LRRC1: variants seen among roughly 807,000 people sequenced by gnomAD.
LRRC1 encodes the protein leucine rich repeat containing 1, also known as leucine-rich repeat-containing protein 1.
A neutral mutation model predicts 69.9 loss-of-function variants in LRRC1; 28 were observed. That is an observed-to-expected ratio of 0.40 (90% confidence interval 0.30 to 0.55). The LOEUF is 0.55. Among genes scored for constraint, LRRC1 ranks in the 20% least tolerant of loss-of-function variants. The probability of loss-of-function intolerance (pLI) is 0.47; values close to 1 mark genes in which losing one functional copy is unlikely to be tolerated. For missense variants in LRRC1, 498 were observed against 609.0 expected, an observed-to-expected ratio of 0.82 and a Z score of 1.92; for synonymous variants, 236 against 240.2, an observed-to-expected ratio of 0.98 and a Z score of 0.16.
chr6:53,803,584 G>A (rs1764553708), intron 1 of LRRC1, among the ~76,000 whole-genome samples: 1 of 146,484 alleles, frequency 6.8e-6, no homozygotes, highest in Non-Finnish European at 1.5e-5. Flanking sequence ...GAGTGTGTGT[G>A]TGTATGTGTG....
At chr6:53,821,187 C>G (rs1009514527) in intron 1 of LRRC1, among the ~76,000 whole-genome samples, 14 of 152,202 alleles carry the variant, frequency 9.2e-5, no homozygotes, top group African/African-American at 3.4e-4. Flanking sequence ...TGCTGTACAT[C>G]ATTTGAATGC....
chr6:53,895,842 G>A (rs183219644), intron 4 of LRRC1, among the ~76,000 whole-genome samples: 2 of 152,294 alleles, frequency 1.3e-5, no homozygotes, highest in African/African-American at 4.8e-5. Context: ...GTTTAATCCA[G>A]AATAAAAGCA....
At chr6:53,809,752 G>T (rs944370759) in intron 1 of LRRC1, among the ~76,000 whole-genome samples, 8 of 152,294 alleles carry the variant, frequency 5.3e-5, no homozygotes, top group Non-Finnish European at 1.0e-4. Flanking sequence ...CTTAGTGGAG[G>T]GTTCAGCCCT....
In LRRC1 at chr6:53,884,017, G is replaced by T. The variant is rs1179707915; in HGVS notation, c.446+1041G>T. 4 of 717,516 alleles carry T rather than the reference G, an allele frequency of 5.6e-6. No homozygotes were observed. The African/African-American group carries it at 7.0e-5, about 13-fold the overall frequency. 44.4% of individuals were successfully genotyped at this position (717,516 alleles called of 1,614,324 possible). ...GTGTTTTTCTGAAATGTACACTGAT[G>T]TTTTATCTTTATGCCATTAGACTTG... On this transcript the variant is annotated intron_variant, in intron 4 of 13. Coordinates refer to ENST00000370888, the MANE Select transcript of LRRC1 (RefSeq NM_018214.5).
At chr6:53,833,739 G>T (rs369797568) in intron 1 of LRRC1, among the ~76,000 whole-genome samples, 29 of 151,992 alleles carry the variant, frequency 1.9e-4, no homozygotes, top group African/African-American at 7.0e-4. Flanking sequence ...TCTCTTTCAT[G>T]TATTTGTCTT....
intron 2 of LRRC1, among the ~76,000 whole-genome samples, chr6:53,859,380 C>A (rs1766422455): frequency 6.6e-6 from 1 of 152,098 alleles, no homozygotes; most frequent in Non-Finnish European, 1.5e-5. Context: ...ATTTCCAGAG[C>A]AGGAACCCAG....
At chr6:53,899,326 A>G (rs941512461) in intron 7 of LRRC1, among the ~76,000 whole-genome samples, 2 of 152,254 alleles carry the variant, frequency 1.3e-5, no homozygotes, top group Non-Finnish European at 2.9e-5. Context: ...AGGAAAATAC[A>G]AAGTAGGTAG....
chr6:53,892,242 C>T (rs148639446), intron 4 of LRRC1, among the ~76,000 whole-genome samples: 96 of 151,920 alleles, frequency 6.3e-4, no homozygotes, highest in African/African-American at 1.7e-3. Flanking sequence ...TTTTCTCATC[C>T]GATAAGTTAA....
rs536888423 is a variant in LRRC1, at chr6:53,881,918, A to T, written c.357-969A>T. ...ACTAAACTTTCTTTGTAAATTTTAA[A>T]TCATGATTTTATTTTAAAGCCTTGT... On this transcript the variant is annotated intron_variant, in intron 3 of 13. Transcript: ENST00000370888. 2.4e-4 allele frequency among the ~76,000 whole-genome samples: 37 copies of T among 152,372 alleles called. No homozygotes were observed. The South Asian group carries it at 7.2e-3, about 30-fold the overall frequency.
At chr6:53,882,389 A>G (rs144307838) in intron 3 of LRRC1, among the ~76,000 whole-genome samples, 103 of 152,348 alleles carry the variant, frequency 6.8e-4, no homozygotes, top group Middle Eastern at 3.4e-3. Context: ...GTGGATCAAT[A>G]AGTATTCCAT....
intron 1 of LRRC1, among the ~76,000 whole-genome samples, chr6:53,820,114 T>G (rs9370233): frequency 0.2 from 29,670 of 151,964 alleles, 3,394 homozygotes; most frequent in East Asian, 0.49. Context: ...ATTAGCACAT[T>G]AGCTTCATTG....
chr6:53,899,631 A>G, intron 7 of LRRC1, 116 bp from the exon 8 acceptor site: 1 of 956,384 alleles, frequency 1.0e-6, no homozygotes, highest in South Asian at 1.9e-5. Flanking sequence ...GATTCATGCT[A>G]AAGATAACAT....
intron 1 of LRRC1, among the ~76,000 whole-genome samples, chr6:53,818,397 C>T (rs1765013698): frequency 6.6e-6 from 1 of 150,926 alleles, no homozygotes; most frequent in African/African-American, 2.4e-5. Flanking sequence ...TTTGTGGTGG[C>T]AAAAAAGAAA....
chr6:53,796,381 T>G (rs373094472), intron 1 of LRRC1, among the ~76,000 whole-genome samples: 3 of 152,122 alleles, frequency 2.0e-5, no homozygotes, highest in African/African-American at 7.2e-5. Context: ...AACCCAGGTG[T>G]GTGCAGGAAG....
chr6:53,809,791 C>T (rs1430190941), intron 1 of LRRC1, among the ~76,000 whole-genome samples: 1 of 152,162 alleles, frequency 6.6e-6, no homozygotes, highest in African/African-American at 2.4e-5. Flanking sequence ...ATCTGGAATA[C>T]TCTGGACTGC....
intron 3 of LRRC1, among the ~76,000 whole-genome samples, chr6:53,882,309 C>T (rs1767318643): frequency 6.6e-6 from 1 of 152,208 alleles, no homozygotes; most frequent in Non-Finnish European, 1.5e-5. Context: ...GATTGCGCCA[C>T]TGCCCTCCAG....
At chr6:53,905,851 C>T (rs1052477381) in intron 10 of LRRC1, among the ~76,000 whole-genome samples, 3 of 152,170 alleles carry the variant, frequency 2.0e-5, no homozygotes, top group African/African-American at 7.2e-5. Context: ...CTGTTTCTGG[C>T]TGTAAGACTT....
rs375675856 is a variant in LRRC1 at position 53,830,157 on chromosome 6, T to C, written c.160-11953T>C. ...TACCCAACATTTCTGCACATTCTTA[T>C]ATTAGACGAAGGCCAGGAGTGTTAG... On this transcript the variant is annotated intron_variant, in intron 1 of 13. Transcript: ENST00000370888. Among the ~76,000 whole-genome samples the C allele has an allele frequency of 4.6e-5, 7 of 152,378 alleles. No homozygotes were observed. In the East Asian group the frequency reaches 7.7e-4, roughly 17 times the overall value.
At chr6:53,815,794 A>G (rs944772671) in intron 1 of LRRC1, among the ~76,000 whole-genome samples, 1 of 152,202 alleles carries the variant, frequency 6.6e-6, no homozygotes, top group Non-Finnish European at 1.5e-5. Flanking sequence ...GTTTTGGCCA[A>G]TATGATCTTG....
Sources: gnomAD v4.1 joint callset for allele counts (sites outside exome capture counted in the v4.1 genomes callset) on GRCh38, gnomAD v4.1.1 for gene constraint, MANE v1.5 for transcripts, NCBI Gene and HGNC (gene_info 2026-07-23, HGNC 2026-07-21) for gene names.